Variants in SYT6 observed in about 807,000 individuals in gnomAD.
SYT6 encodes synaptotagmin 6.
In SYT6, 24 loss-of-function variants were observed where a neutral mutation model predicts 38.4. The observed-to-expected ratio is 0.62, with a 90% CI of 0.45 to 0.88. SYT6 has a LOEUF of 0.88. SYT6 is among the 40% of genes least tolerant of loss of function. SYT6 has a pLI of 0.00. For missense variants in SYT6, 611 were observed against 621.0 expected (o/e 0.98, Z 0.17); for synonymous variants, 265 against 241.9 (o/e 1.10, Z -0.89).
chr1:114,101,046 T>C (rs979964580), intron 4 of SYT6, among the ~76,000 whole-genome samples: 6 of 152,016 alleles, frequency 3.9e-5, no homozygotes, highest in African/African-American at 1.5e-4. Flanking sequence ...TGTTCATCCT[T>C]ACAAGGCATA....
At chr1:114,124,799 T>TG (rs1677628801) in intron 3 of SYT6, among the ~76,000 whole-genome samples, 1 of 152,078 alleles carries the variant, frequency 6.6e-6, no homozygotes, top group African/African-American at 2.4e-5. Context: ...AGTGGCAACA[T>TG]GGGGGAGGGC....
At chr1:114,148,078 T>G (rs1679246526) in intron 1 of SYT6, among the ~76,000 whole-genome samples, 1 of 152,184 alleles carries the variant, frequency 6.6e-6, no homozygotes, top group African/African-American at 2.4e-5. Context: ...TCACCTTAAA[T>G]GAGACTGTCT....
In SYT6 at chr1:114,139,919, C is replaced by T. The variant is rs780766148; in HGVS notation, c.208G>A (p.Val70Met). 56 of 1,526,038 alleles carry T rather than the reference C, an allele frequency of 3.7e-5. No homozygotes were observed. Among genetic ancestry groups the T allele is most frequent in the African/African-American group, 1.5e-4 (11 of 71,930 alleles). 94.5% of individuals were successfully genotyped at this position (1,526,038 alleles called of 1,614,324 possible). ...AAGAGAAAAACTGCCACCAGGGCCACGCCACACACAATAACTACAACTGCG... is the reference window on the plus strand; with the variant it reads ...AAGAGAAAAACTGCCACCAGGGCCATGCCACACACAATAACTACAACTGCG... ...LLAVVVIVCG[V>M]ALVAVFLFLF... The change falls in exon 2 of 8, where the codon GTG becomes ATG. Residue 70 changes from valine (V) to methionine (M), a missense_variant. By Grantham distance (21) the Val-to-Met change is conservative. Transcript: ENST00000610222.
In SYT6 at chr1:114,137,170, G is replaced by A. The variant is rs115839407; in HGVS notation, c.1071+325C>T. On this transcript the variant is annotated intron_variant, in intron 3 of 7. Transcript: ENST00000610222. ...CAGCATAGCCTAGTTCAGTCTGATT[G>A]ATATGGCCTGTTTCAATTGCCTATG... is the stretch of plus-strand genomic sequence containing the variant. Among the ~76,000 whole-genome samples the A allele has an allele frequency of 8.0e-3, 1,217 of 152,346 alleles. 15 individuals carry two copies. Among genetic ancestry groups the A allele is most frequent in the African/African-American group, 0.028 (1,174 of 41,576 alleles).
chr1:114,092,638 C>A (rs1471881959), intron 7 of SYT6, among the ~76,000 whole-genome samples: 2 of 152,104 alleles, frequency 1.3e-5, no homozygotes, highest in Non-Finnish European at 2.9e-5. Context: ...TGTGAGCAGA[C>A]CCTTCTGGGC....
chr1:114,105,372 C>T (rs1300421682), intron 3 of SYT6, among the ~76,000 whole-genome samples: 5 of 150,128 alleles, frequency 3.3e-5, no homozygotes, highest in Non-Finnish European at 7.4e-5. Context: ...GCTCACCGCA[C>T]TCTCCTCTAG....
intron 1 of SYT6, among the ~76,000 whole-genome samples, chr1:114,147,639 G>A (rs887918805): frequency 2.6e-5 from 4 of 152,216 alleles, no homozygotes; most frequent in African/African-American, 9.6e-5. Context: ...GACATCTCAG[G>A]TGGGCGGCAG....
chr1:114,152,014 G>A (rs1233760436), intron 1 of SYT6, among the ~76,000 whole-genome samples: 1 of 151,994 alleles, frequency 6.6e-6, no homozygotes, highest in East Asian at 1.9e-4. Context: ...CGCCTCCTAC[G>A]ACCCTCACAG....
intron 6 of SYT6, 44 bp downstream of exon 6, chr1:114,097,683 C>T: frequency 6.2e-7 from 1 of 1,603,332 alleles, no homozygotes; most frequent in Non-Finnish European, 8.5e-7. Context: ...CCAGCCCACA[C>T]TGCCATGCAG....
intron 3 of SYT6, among the ~76,000 whole-genome samples, chr1:114,122,342 C>T (rs1423428955): frequency 1.3e-5 from 2 of 152,106 alleles, no homozygotes; most frequent in African/African-American, 2.4e-5. Flanking sequence ...AATTTCTTAG[C>T]GGAACCAAAA....
At chr1:114,124,620 C>A (rs191023946) in intron 3 of SYT6, among the ~76,000 whole-genome samples, 5 of 152,244 alleles carry the variant, frequency 3.3e-5, no homozygotes, top group Admixed American at 6.5e-5. Context: ...GAGCTAGACC[C>A]GTGTTCCATG....
intron 4 of SYT6, among the ~76,000 whole-genome samples, 182 bp from the exon 5 acceptor site, chr1:114,099,447 T>C (rs1430189844): frequency 6.6e-6 from 1 of 152,238 alleles, no homozygotes; most frequent in Non-Finnish European, 1.5e-5. Flanking sequence ...GAGGACACTC[T>C]GTGCTTAATA....
At chr1:114,099,748 A>C (rs1298848042) in intron 4 of SYT6, among the ~76,000 whole-genome samples, 1 of 152,234 alleles carries the variant, frequency 6.6e-6, no homozygotes, top group Non-Finnish European at 1.5e-5. Flanking sequence ...AGGACTCAAC[A>C]ATGGCCAGGG....
chr1:114,095,851 G>A (rs867828303), intron 6 of SYT6, among the ~76,000 whole-genome samples: 7 of 151,922 alleles, frequency 4.6e-5, no homozygotes, highest in Non-Finnish European at 1.0e-4. Flanking sequence ...TAGTAGAGAC[G>A]GGGTTTCACC....
In SYT6 at chr1:114,139,831, G is replaced by A. The variant is rs1279499600; in HGVS notation, c.296C>T (p.Ala99Val). The part of the protein sequence containing the change: ...RNKEASSPSS[A>V]NPPLEALQSP... ...CTGGAGGGCTTCCAAGGGGGGATTA[G>A]CAGAAGAGGGACTGGAGGCCTCCTT... The change falls in exon 2 of 8, where the codon GCT (alanine) becomes GTT (valine). Residue 99 changes from alanine to valine, a missense_variant. Ala to Val is a moderately conservative substitution (Grantham distance 64). Transcript: ENST00000610222. 3.8e-6 allele frequency: 6 copies of A among 1,598,774 alleles called. No individual in the cohort carries two copies. The highest frequency in any genetic ancestry group is 1.7e-4 in the Middle Eastern group (1 of 5,994).
chr1:114,089,984 G>A lies in SYT6; in HGVS notation c.*2150C>T, dbSNP rs980090344. 6.6e-6 allele frequency: 1 copy of A among 152,334 alleles called. No individual in the cohort carries two copies. The highest frequency in any genetic ancestry group is 2.4e-5 in the African/African-American group (1 of 41,446). The allele number at this position is 152,334 out of a possible 1,614,324, so 9.4% of individuals were successfully genotyped here. Reference sequence around the variant, plus strand: ...ACTCCCTTCTCCAAGAGGTTAGAATGGGTTATACTCACCTGCCTAAGGGTT... The same window carrying A: ...ACTCCCTTCTCCAAGAGGTTAGAATAGGTTATACTCACCTGCCTAAGGGTT... On this transcript the variant is annotated 3_prime_UTR_variant, in exon 8 of 8. Transcript: ENST00000610222.
At chr1:114,122,609 C>T (rs538458599) in intron 3 of SYT6, among the ~76,000 whole-genome samples, 1 of 152,328 alleles carries the variant, frequency 6.6e-6, no homozygotes, top group South Asian at 2.1e-4. Flanking sequence ...ACTTCCCTAT[C>T]TCTTGCAGGA....
chr1:114,100,072 T>C (rs985558930), intron 4 of SYT6, among the ~76,000 whole-genome samples: 1 of 152,170 alleles, frequency 6.6e-6, no homozygotes, highest in Non-Finnish European at 1.5e-5. Flanking sequence ...GTGCCTCCCA[T>C]CCTTTTGTTT....
intron 3 of SYT6, among the ~76,000 whole-genome samples, chr1:114,114,752 A>T (rs953505141): frequency 6.6e-6 from 1 of 152,156 alleles, no homozygotes; most frequent in Admixed American, 6.5e-5. Context: ...CCCAGGTCAG[A>T]CCCTATTAGA....
Sources: allele counts gnomAD v4.1 joint callset (sites outside exome capture counted in the v4.1 genomes callset), GRCh38; gene constraint gnomAD v4.1.1; transcripts MANE v1.5; gene names NCBI Gene and HGNC (gene_info 2026-07-23, HGNC 2026-07-21).